Variants in PLA2G5 observed in about 807,000 individuals in gnomAD.
PLA2G5 encodes the protein Ca2+-dependent phospholipase A2.
A neutral mutation model predicts 15.9 loss-of-function variants in PLA2G5; 12 were observed. The ratio of observed to expected loss-of-function variants is 0.76; its 90% confidence interval spans 0.48 to 1.23. PLA2G5 has a LOEUF of 1.23. PLA2G5 is among the 50% of genes most tolerant of loss of function. PLA2G5 has a pLI of 0.00. For missense variants in PLA2G5, 169 were observed against 177.1 expected, an observed-to-expected ratio of 0.95 and a Z score of 0.26; for synonymous variants, 71 against 71.4, an observed-to-expected ratio of 0.99 and a Z score of 0.03.
rs1220701338 is a variant in PLA2G5, at chr1:20,085,006, A to G, written c.40+136A>G. ...CTCTGCACTGACTGCATAGACATTC[A>G]GCAAGAGCCTTCATGCCTCCGAGCC... On this transcript the variant is annotated intron_variant, in intron 2 of 4. Coordinates refer to ENST00000375108, the MANE Select transcript of PLA2G5 (RefSeq NM_000929.3). The G allele has an allele frequency of 6.8e-6, 5 of 740,480 alleles. No homozygotes were observed. In the Admixed American group the frequency reaches 9.5e-5, roughly 14 times the overall value. 45.9% of individuals were successfully genotyped at this position (740,480 alleles called of 1,614,324 possible).
upstream of PLA2G5, among the ~76,000 whole-genome samples, chr1:20,067,401 A>T (rs944158866): frequency 2.6e-5 from 4 of 152,156 alleles, no homozygotes; most frequent in African/African-American, 9.7e-5. Context: ...AAATTACAGT[A>T]ATTAGGCCAG....
At chr1:20,054,571 T>G (rs1249935594) in intron 1 of PLA2G5, among the ~76,000 whole-genome samples, 1 of 151,998 alleles carries the variant, frequency 6.6e-6, no homozygotes, top group Non-Finnish European at 1.5e-5. Context: ...TTTCAAAATA[T>G]GTTTAATGTT....
At chr1:20,029,319 G>A (rs1054555618) in intron 1 of PLA2G5, among the ~76,000 whole-genome samples, 2 of 152,012 alleles carry the variant, frequency 1.3e-5, no homozygotes, top group South Asian at 2.1e-4. Context: ...TCCTCTCAAC[G>A]TCCAGCCACC....
chr1:20,029,318 C>CG (rs1420408879), intron 1 of PLA2G5, among the ~76,000 whole-genome samples: 2 of 151,470 alleles, frequency 1.3e-5, no homozygotes, highest in African/African-American at 4.9e-5. Context: ...TTCCTCTCAA[C>CG]GTCCAGCCAC....
At chr1:20,086,029 T>C in intron 2 of PLA2G5, 54 bp from the exon 3 acceptor site, 1 of 1,604,022 alleles carries the variant, frequency 6.2e-7, no homozygotes, top group Non-Finnish European at 8.5e-7. Flanking sequence ...GCAGTGGGCC[T>C]AAAGCAGGGC....
rs947535871 is a variant in PLA2G5, at chr1:20,090,851, C to T, written c.*159C>T. ...CCCAGGGCCACACTGTACCCTCCAG[C>T]GAGTCCCAGGAGAGTGACTCTGGTC... is the stretch of plus-strand genomic sequence containing the variant. On this transcript the variant is annotated 3_prime_UTR_variant, in exon 5 of 5. Coordinates refer to ENST00000375108, the MANE Select transcript of PLA2G5 (RefSeq NM_000929.3). The T allele has an allele frequency of 1.4e-5, 10 of 699,568 alleles. No individual in the cohort carries two copies. The highest frequency in any genetic ancestry group is 5.5e-5 in the South Asian group (3 of 54,778). 43.3% of individuals were successfully genotyped at this position (699,568 alleles called of 1,614,324 possible). A position where few individuals can be genotyped will look rare whatever the true frequency, so the allele number is the denominator to read the frequency against.
chr1:20,057,271 TC>T (rs199651483), intron 1 of PLA2G5, among the ~76,000 whole-genome samples: 2 of 152,050 alleles, frequency 1.3e-5, no homozygotes, highest in Non-Finnish European at 2.9e-5. Flanking sequence ...TAATTTGCTC[TC>T]CTTTTTTTAT....
intron 3 of PLA2G5, among the ~76,000 whole-genome samples, chr1:20,089,512 C>G (rs2016458091): frequency 6.6e-6 from 1 of 152,138 alleles, no homozygotes; most frequent in Non-Finnish European, 1.5e-5. Flanking sequence ...ACCTACCTCC[C>G]CTGGCCAGGA....
intron 3 of PLA2G5, among the ~76,000 whole-genome samples, chr1:20,087,685 T>C (rs1316917503): frequency 6.6e-6 from 1 of 151,764 alleles, no homozygotes; most frequent in Non-Finnish European, 1.5e-5. Flanking sequence ...TTCCAAGTCA[T>C]ATATATATAT....
intron 1 of PLA2G5, among the ~76,000 whole-genome samples, chr1:20,039,865 A>G (rs1396797402): frequency 6.6e-6 from 1 of 152,212 alleles, no homozygotes; most frequent in Admixed American, 6.5e-5. Flanking sequence ...TTAGGTTTAT[A>G]ATGTAACCGT....
At chr1:20,089,650 A>G in intron 3 of PLA2G5, 139 bp from the exon 4 acceptor site, 1 of 648,060 alleles carries the variant, frequency 1.5e-6, no homozygotes, top group Non-Finnish European at 2.8e-6. Flanking sequence ...ACTCAGTCAC[A>G]CTACCAGATC....
At chr1:20,059,842 G>A (rs1193415016) in intron 2 of PLA2G5, 1 of 152,224 alleles carries the variant, frequency 6.6e-6, no homozygotes, top group Non-Finnish European at 1.5e-5. Flanking sequence ...TCTGGGGATA[G>A]AAGTGGGAAC....
chr1:20,086,179 G>GC lies in PLA2G5; in HGVS notation c.137_138insC (p.Tyr47LeufsTer22). 6.2e-7 allele frequency: 1 copy of GC among 1,614,184 alleles called. No individual in the cohort carries two copies. Among genetic ancestry groups the GC allele is most frequent in the Non-Finnish European group, 8.5e-7 (1 of 1,180,028 alleles). On this transcript the variant is annotated frameshift_variant, in exon 3 of 5. Transcript: ENST00000375108. LOFTEE classifies it high-confidence loss of function. ...CTGACAAACTACGGCTTCTACGGCT[G>GC]TTACTGCGGCTGGGGCGGCCGAGGA...
chr1:20,035,008 A>G (rs2013170984), intron 1 of PLA2G5, among the ~76,000 whole-genome samples: 1 of 152,174 alleles, frequency 6.6e-6, no homozygotes, highest in African/African-American at 2.4e-5. Flanking sequence ...ATCTGGAAGC[A>G]GGTCTGGTTC....
In PLA2G5 at chr1:20,086,146, A is replaced by G. The variant is rs1557755563; in HGVS notation, c.104A>G (p.Lys35Arg). 1 of 1,614,104 alleles carries G rather than the reference A, an allele frequency of 6.2e-7. No homozygotes were observed. Among genetic ancestry groups the G allele is most frequent in the African/African-American group, 1.3e-5 (1 of 75,028 alleles). ...LKSMIEKVTG[K>R]NALTNYGFYG... ...TCAATGATCGAGAAGGTGACAGGGA[A>G]GAACGCCCTGACAAACTACGGCTTC... The change falls in exon 3 of 5, where the codon AAG (lysine) becomes AGG (arginine). Residue 35 changes from lysine (K) to arginine (R), a missense_variant. Physicochemically the swap from Lys to Arg is conservative, Grantham distance 26. Coordinates refer to ENST00000375108, the MANE Select transcript of PLA2G5 (RefSeq NM_000929.3).
At chr1:20,056,979 T>C (rs1036278345) in intron 1 of PLA2G5, among the ~76,000 whole-genome samples, 5 of 152,220 alleles carry the variant, frequency 3.3e-5, no homozygotes, top group Non-Finnish European at 5.9e-5. Context: ...CCATTTCATC[T>C]AGGCTATCAA....
At chr1:20,061,211 C>T (rs77056201) in intron 2 of PLA2G5, among the ~76,000 whole-genome samples, 1 of 152,152 alleles carries the variant, frequency 6.6e-6, no homozygotes, top group Admixed American at 6.5e-5. Context: ...ATGCTGTTTT[C>T]TACTTTAAGA....
At chr1:20,029,004 T>A (rs1157414180) in intron 1 of PLA2G5, among the ~76,000 whole-genome samples, 1 of 152,206 alleles carries the variant, frequency 6.6e-6, no homozygotes, top group African/African-American at 2.4e-5. Context: ...GTTAGTGTGC[T>A]CTTTTAGTTT....
At chr1:20,029,504 C>T (rs1055980117) in intron 1 of PLA2G5, among the ~76,000 whole-genome samples, 1 of 152,064 alleles carries the variant, frequency 6.6e-6, no homozygotes, top group Non-Finnish European at 1.5e-5. Context: ...GCTAGCGTCC[C>T]GGGTTTTTAT....
Sources: gnomAD v4.1 joint callset for allele counts (sites outside exome capture counted in the v4.1 genomes callset) on GRCh38, gnomAD v4.1.1 for gene constraint, MANE v1.5 for transcripts, NCBI Gene and HGNC (gene_info 2026-07-23, HGNC 2026-07-21) for gene names.